Variants in COL12A1 observed in about 807,000 individuals in gnomAD.
The protein encoded by COL12A1 is collagen type XII alpha 1 chain, also known as collagen alpha-1(XII) chain.
A neutral mutation model predicts 349.7 loss-of-function variants in COL12A1; 114 were observed. The observed-to-expected ratio is 0.33, with a 90% CI of 0.28 to 0.38. The LOEUF (loss-of-function observed/expected upper bound fraction) is 0.38. COL12A1 is among the 10% of genes least tolerant of loss of function. The pLI, the probability that COL12A1 is intolerant of heterozygous loss-of-function variation, is 1.00. For missense variants in COL12A1, 3,284 were observed against 3,756.9 expected (o/e 0.87, Z 3.29); for synonymous variants, 1,369 against 1,329.0 (o/e 1.03, Z -0.66).
At chr6:75,187,126 T>A (rs1401819907) in intron 8 of COL12A1, among the ~76,000 whole-genome samples, 2 of 147,220 alleles carry the variant, frequency 1.4e-5, no homozygotes, top group African/African-American at 5.0e-5. Flanking sequence ...TTAAAAGTTT[T>A]AAAAAATGAA....
intron 3 of COL12A1, among the ~76,000 whole-genome samples, chr6:75,194,073 A>G (rs1447463356): frequency 6.6e-6 from 1 of 152,178 alleles, no homozygotes; most frequent in Non-Finnish European, 1.5e-5. Context: ...CATGATTTAT[A>G]ATCCTTTGGG....
chr6:75,139,058 T>A, intron 27 of COL12A1, 97 bp from the exon 28 acceptor site: 1 of 1,383,386 alleles, frequency 7.2e-7, no homozygotes. Flanking sequence ...TTAATGGACA[T>A]CTGAAAACTG....
At chr6:75,102,841 T>C (rs1328267740) in intron 55 of COL12A1, 149 bp from the exon 56 acceptor site, 1 of 436,314 alleles carries the variant, frequency 2.3e-6, no homozygotes. Flanking sequence ...AATATATTCA[T>C]TAATGTAATT....
In COL12A1 at chr6:75,085,479, T is replaced by G. The variant is rs1413391538; in HGVS notation, c.*1068A>C. 1 of 354,998 alleles carries G rather than the reference T, an allele frequency of 2.8e-6. No individual in the cohort carries two copies. The highest frequency in any genetic ancestry group is 6.1e-6 in the Non-Finnish European group (1 of 165,072). 22.0% of individuals were successfully genotyped at this position (354,998 alleles called of 1,614,324 possible). A position where few individuals can be genotyped will look rare whatever the true frequency, so the allele number is the denominator to read the frequency against. ...GGCACTCCAGTCTTAATCTCATAACTATAAATAGATAAGTTACAATGTCCC... is the reference window on the plus strand; with the variant it reads ...GGCACTCCAGTCTTAATCTCATAACGATAAATAGATAAGTTACAATGTCCC... On this transcript the variant is annotated 3_prime_UTR_variant, in exon 66 of 66. Coordinates refer to ENST00000322507, the MANE Select transcript of COL12A1 (RefSeq NM_004370.6).
chr6:75,166,433 A>G (rs1490376092), intron 13 of COL12A1, among the ~76,000 whole-genome samples: 2 of 152,236 alleles, frequency 1.3e-5, no homozygotes, highest in Non-Finnish European at 2.9e-5. Context: ...AAAATAAAAC[A>G]TACCACTTGT....
chr6:75,148,916 C>T lies in COL12A1; in HGVS notation c.4148-419G>A, dbSNP rs190765346. Among the ~76,000 whole-genome samples, 5 of 152,212 alleles carry T rather than the reference C, an allele frequency of 3.3e-5. No homozygotes were observed. In the East Asian group the frequency reaches 7.7e-4, roughly 24 times the overall value. On this transcript the variant is annotated intron_variant, in intron 21 of 65. Coordinates refer to ENST00000322507, the MANE Select transcript of COL12A1 (RefSeq NM_004370.6). ...GATAATTGAAACATGGGGGTGGTTT[C>T]CCCCATACTACTCTAGTGGTAGTAA...
At chr6:75,199,113 A>T (rs1177835768) in intron 2 of COL12A1, among the ~76,000 whole-genome samples, 1 of 152,196 alleles carries the variant, frequency 6.6e-6, no homozygotes, top group Non-Finnish European at 1.5e-5. Context: ...ACATTACAAA[A>T]CATGCCCTCT....
At chr6:75,123,465 G>T in intron 42 of COL12A1, 61 bp from the exon 43 acceptor site, 1 of 1,350,490 alleles carries the variant, frequency 7.4e-7, no homozygotes, top group Non-Finnish European at 1.0e-6. Context: ...ATCCCAGAAA[G>T]TAAATTTTAA....
At chr6:75,119,281 G>A (rs1582079512) in intron 45 of COL12A1, 69 bp downstream of exon 45, 10 of 1,607,058 alleles carry the variant, frequency 6.2e-6, no homozygotes, top group Non-Finnish European at 8.5e-6. Flanking sequence ...CTGGATATCA[G>A]CATGAGATAA....
chr6:75,138,781 G>A (rs1367284175), intron 28 of COL12A1, 41 bp downstream of exon 28: 4 of 1,610,214 alleles, frequency 2.5e-6, no homozygotes, highest in Non-Finnish European at 8.5e-7. Flanking sequence ...AAATTAAATG[G>A]GACATGAAAG....
chr6:75,194,733 TA>T, intron 3 of COL12A1, 97 bp downstream of exon 3: 2 of 737,532 alleles, frequency 2.7e-6, no homozygotes, highest in Non-Finnish European at 2.1e-6. Context: ...TCAGGCTTCC[TA>T]AAGCACAGCT....
intron 27 of COL12A1, among the ~76,000 whole-genome samples, chr6:75,141,642 C>G (rs1257780349): frequency 6.6e-6 from 1 of 152,150 alleles, no homozygotes; most frequent in Non-Finnish European, 1.5e-5. Flanking sequence ...TATTTTGTTA[C>G]CCTTGATAAC....
Position 75,175,213 on chromosome 6 carries a change from G to A in COL12A1, c.2535C>T (p.Leu845=), listed in dbSNP as rs372378385. Residue 845 remains leucine (L), a synonymous_variant, in exon 13 of 66, where the codon CTC becomes CTT. Coordinates refer to ENST00000322507, the MANE Select transcript of COL12A1 (RefSeq NM_004370.6). The part of the protein sequence containing the change: ...SGAPGKVKQY[L]VTYTPVAGGE... ...CCCCTGCCACTGGGGTATATGTGAC[G>A]AGATACTGTTTCACTTTTCCTGGTG... is the stretch of plus-strand genomic sequence containing the variant. 14 of 1,614,098 alleles carry A rather than the reference G, an allele frequency of 8.7e-6. No individual in the cohort carries two copies. The highest frequency in any genetic ancestry group is 2.2e-5 in the South Asian group (2 of 91,082).
At chr6:75,128,250 T>G (rs758581879) in intron 38 of COL12A1, 46 bp downstream of exon 38, 2 of 1,503,688 alleles carry the variant, frequency 1.3e-6, no homozygotes, top group Non-Finnish European at 1.8e-6. Flanking sequence ...ATTAACATAT[T>G]GACAATTTCA....
At chr6:75,155,543 C>G in intron 16 of COL12A1, 119 bp downstream of exon 16, 1 of 1,038,242 alleles carries the variant, frequency 9.6e-7, no homozygotes, top group East Asian at 2.8e-5. Flanking sequence ...ATTTTAAATA[C>G]TTTGCTGGCA....
rs1337531583 is a variant in COL12A1, at chr6:75,183,095, T to C, written c.1846A>G (p.Ile616Val). The change falls in exon 10 of 66, where the codon ATC becomes GTC. Residue 616 changes from isoleucine (I) to valine (V), a missense_variant. Around this residue, in one of 2 missense-constraint regions of COL12A1, gnomAD observed 2,601 missense variants for 2,824.8 expected, o/e 0.92. Coordinates refer to ENST00000322507, the MANE Select transcript of COL12A1 (RefSeq NM_004370.6). Reference sequence around the variant, plus strand: ...AATTCTTGCTCAATTCTAAGGCAGATAGACTGTGTGAGTTCAAAAGATATC... The same window carrying C: ...AATTCTTGCTCAATTCTAAGGCAGACAGACTGTGTGAGTTCAAAAGATATC... ...QRISFELTQSICLRIEQELAA... is the reference protein window; with the variant it reads ...QRISFELTQSVCLRIEQELAA... The C allele has an allele frequency of 6.2e-7, 1 of 1,614,130 alleles. No homozygotes were observed.
chr6:75,176,346 G>A (rs1251598980), intron 12 of COL12A1, among the ~76,000 whole-genome samples: 1 of 151,082 alleles, frequency 6.6e-6, no homozygotes, highest in Non-Finnish European at 1.5e-5. Context: ...GATGCAGTGG[G>A]AGGAGGGAGA....
In COL12A1 at chr6:75,177,697, A is replaced by G. The variant is rs750671040; in HGVS notation, c.2403T>C (p.Gly801=). Residue 801 remains glycine (G), a synonymous_variant, in exon 12 of 66, where the codon GGT becomes GGC. Coordinates refer to ENST00000322507, the MANE Select transcript of COL12A1 (RefSeq NM_004370.6). ...SVIPEYFSGP[G]TPLTGNAATE... is the part of the protein sequence containing the mutation. Reference sequence around the variant, plus strand: ...TGGCTGCATTTCCAGTTAATGGAGTACCAGGTCCTGAGAAATATTCAGGAA... The same window carrying G: ...TGGCTGCATTTCCAGTTAATGGAGTGCCAGGTCCTGAGAAATATTCAGGAA... 1 of 1,613,978 alleles carries G rather than the reference A, an allele frequency of 6.2e-7. No homozygotes were observed. The highest frequency in any genetic ancestry group is 2.2e-5 in the East Asian group (1 of 44,872).
At chr6:75,110,254 G>C (rs1479595149) in intron 51 of COL12A1, among the ~76,000 whole-genome samples, 1 of 151,894 alleles carries the variant, frequency 6.6e-6, no homozygotes, top group Non-Finnish European at 1.5e-5. Flanking sequence ...AACAACCACA[G>C]ATGCAAACAT....
Sources: gnomAD v4.1 joint callset for allele counts (sites outside exome capture counted in the v4.1 genomes callset) on GRCh38, gnomAD v4.1.1 for gene constraint, gnomAD v4.1.1 regional missense constraint, MANE v1.5 for transcripts, NCBI Gene and HGNC (gene_info 2026-07-23, HGNC 2026-07-21) for gene names.